GRID2: variants seen among roughly 807,000 people sequenced by gnomAD.
GRID2 encodes the protein glutamate receptor ionotropic, delta-2.
In GRID2, 33 loss-of-function variants were observed where a neutral mutation model predicts 114.8. That is an observed-to-expected ratio of 0.29 (90% CI 0.22 to 0.38). The LOEUF (loss-of-function observed/expected upper bound fraction) is 0.38. GRID2 is among the 10% of genes least tolerant of loss of function. The pLI is 1.00. For missense variants in GRID2, 1,184 were observed against 1,257.7 expected (o/e 0.94, Z 0.89); for synonymous variants, 505 against 449.9 (o/e 1.12, Z -1.55).
intron 8 of GRID2, among the ~76,000 whole-genome samples, chr4:93,379,421 TC>T (rs1489106572): frequency 6.6e-6 from 1 of 152,034 alleles, no homozygotes; most frequent in East Asian, 1.9e-4. Flanking sequence ...GCTTATGCTG[TC>T]CCTTCCATTC....
intron 14 of GRID2, among the ~76,000 whole-genome samples, chr4:93,676,901 C>T (rs1052882005): frequency 6.6e-6 from 1 of 152,080 alleles, no homozygotes; most frequent in Non-Finnish European, 1.5e-5. Flanking sequence ...GGGTTCATCT[C>T]ACTAGGGAGT....
intron 2 of GRID2, among the ~76,000 whole-genome samples, chr4:93,038,895 T>A (rs1325467435): frequency 6.6e-6 from 1 of 152,086 alleles, no homozygotes; most frequent in African/African-American, 2.4e-5. Flanking sequence ...TCAACCATTG[T>A]AGAAGACAGT....
intron 1 of GRID2, among the ~76,000 whole-genome samples, chr4:92,463,929 T>C (rs1721618319): frequency 6.6e-6 from 1 of 151,846 alleles, no homozygotes; most frequent in African/African-American, 2.4e-5. Context: ...TTTTCCCTTT[T>C]CTTTTAAACA....
intron 4 of GRID2, among the ~76,000 whole-genome samples, chr4:93,133,889 G>A (rs922965002): frequency 6.6e-6 from 1 of 152,274 alleles, no homozygotes; most frequent in Middle Eastern, 3.4e-3. Flanking sequence ...GCAAGCTGTT[G>A]TTCAAAGTAA....
chr4:92,861,591 G>T (rs1744537378), intron 2 of GRID2, among the ~76,000 whole-genome samples: 1 of 151,788 alleles, frequency 6.6e-6, no homozygotes, highest in African/African-American at 2.4e-5. Context: ...TTTAAATTTT[G>T]TCTTCCTTTT....
intron 13 of GRID2, among the ~76,000 whole-genome samples, chr4:93,595,238 T>C (rs970381904): frequency 1.3e-5 from 2 of 152,244 alleles, no homozygotes; most frequent in Non-Finnish European, 2.9e-5. Flanking sequence ...TTCCTTAGCA[T>C]TTAGTTGTGG....
At chr4:93,786,448 A>C (rs1734593637) in intron 1 of GRID2, among the ~76,000 whole-genome samples, 5 of 152,194 alleles carry the variant, frequency 3.3e-5, no homozygotes, top group Admixed American at 3.3e-4. Flanking sequence ...AAAGCTTGAG[A>C]ATACAGTAAC....
At chr4:93,138,065 C>A (rs1447283698) in intron 4 of GRID2, among the ~76,000 whole-genome samples, 1 of 148,484 alleles carries the variant, frequency 6.7e-6, no homozygotes, top group African/African-American at 2.5e-5. Flanking sequence ...TTCCACCTCC[C>A]GTGCTCAAAC....
intron 1 of GRID2, among the ~76,000 whole-genome samples, chr4:92,551,080 A>C (rs1218890714): frequency 6.6e-6 from 1 of 152,208 alleles, no homozygotes; most frequent in Non-Finnish European, 1.5e-5. Context: ...TTTACATTTT[A>C]AACTTCCATA....
chr4:93,407,864 TCTC>T (rs951566890), intron 9 of GRID2, among the ~76,000 whole-genome samples: 2 of 150,496 alleles, frequency 1.3e-5, no homozygotes, highest in Non-Finnish European at 3.0e-5. Flanking sequence ...TGCTTCTCCT[TCTC>T]CTCCTTCTTC....
chr4:93,028,810 C>G (rs753273211), intron 2 of GRID2, among the ~76,000 whole-genome samples: 6 of 151,990 alleles, frequency 3.9e-5, no homozygotes, highest in Middle Eastern at 3.2e-3. Context: ...GTCCTGCTTT[C>G]TGCTCCCACT....
chr4:93,235,939 T>G (rs1047300090), intron 7 of GRID2, among the ~76,000 whole-genome samples: 2 of 152,106 alleles, frequency 1.3e-5, no homozygotes, highest in African/African-American at 4.8e-5. Context: ...AGTAGTTTTA[T>G]GTAGCAATTA....
At chr4:92,713,041 A>C (rs908790870) in intron 2 of GRID2, among the ~76,000 whole-genome samples, 1 of 151,504 alleles carries the variant, frequency 6.6e-6, no homozygotes, top group Non-Finnish European at 1.5e-5. Context: ...ACATGTGCAC[A>C]ACGTGCAGAT....
Position 92,434,418 on chromosome 4 carries a change from C to G in GRID2, c.88+129674C>G, listed in dbSNP as rs185832065. Among the ~76,000 whole-genome samples the G allele has an allele frequency of 3.9e-3, 595 of 152,232 alleles. 2 individuals carry two copies. The highest frequency in any genetic ancestry group is 6.5e-3 in the Non-Finnish European group (444 of 68,014). On this transcript the variant is annotated intron_variant, in intron 1 of 15. Transcript: ENST00000282020. ...TTCTCTTAAATGGCGTTAAACATAA[C>G]CTAACAATGCATTCGGAATTCTGCT...
At chr4:93,150,145 T>C (rs13117401) in intron 4 of GRID2, among the ~76,000 whole-genome samples, 58,799 of 152,012 alleles carry the variant, frequency 0.39, 11,767 homozygotes, top group Admixed American at 0.54. Flanking sequence ...ATCTGGTCAG[T>C]TAATGTGACA....
At chr4:93,700,966 C>T (rs1028921048) in intron 14 of GRID2, among the ~76,000 whole-genome samples, 26 of 152,040 alleles carry the variant, frequency 1.7e-4, no homozygotes, top group African/African-American at 4.8e-4. Context: ...GCTCCAAATG[C>T]TGACACCACT....
intron 4 of GRID2, among the ~76,000 whole-genome samples, chr4:93,205,699 T>C (rs1315981522): frequency 6.6e-6 from 1 of 152,060 alleles, no homozygotes; most frequent in African/African-American, 2.4e-5. Flanking sequence ...GGTCAAATGG[T>C]ATTTCTAGTT....
chr4:93,768,983 G>T (rs1305618016), intron 14 of GRID2, among the ~76,000 whole-genome samples: 1 of 151,980 alleles, frequency 6.6e-6, no homozygotes, highest in East Asian at 1.9e-4. Flanking sequence ...TGGGAGGGTG[G>T]GATGGGTGAA....
intron 11 of GRID2, among the ~76,000 whole-genome samples, chr4:93,489,304 A>T (rs1259012002): frequency 6.6e-6 from 1 of 151,964 alleles, no homozygotes; most frequent in African/African-American, 2.4e-5. Flanking sequence ...CCATTTGCAA[A>T]TGCAAGGGCC....
Sources: allele counts gnomAD v4.1 joint callset (sites outside exome capture counted in the v4.1 genomes callset), GRCh38; gene constraint gnomAD v4.1.1; transcripts MANE v1.5; gene names NCBI Gene and HGNC (gene_info 2026-07-23, HGNC 2026-07-21).